Variants in GABRA3 observed in about 807,000 individuals in gnomAD.
GABRA3 encodes gamma-aminobutyric acid type A receptor subunit alpha3, also known as gamma-aminobutyric acid receptor subunit alpha-3.
GABRA3 carries 10 observed loss-of-function variants against 30.1 expected under a neutral mutation model. The ratio of observed to expected loss-of-function variants is 0.33; its 90% CI spans 0.20 to 0.56. GABRA3 has a LOEUF of 0.56. Ranked by LOEUF, GABRA3 falls within the 20% of genes least tolerant of loss-of-function variation. The pLI, the probability that GABRA3 is intolerant of heterozygous loss-of-function variation, is 0.89. For missense variants in GABRA3, 233 were observed against 392.0 expected, an observed-to-expected ratio of 0.59 and a Z score of 3.42; for synonymous variants, 151 against 146.8, an observed-to-expected ratio of 1.03 and a Z score of -0.21.
At chrX:152,300,452 A>T (rs1172726061) in intron 3 of GABRA3, among the ~76,000 whole-genome samples, 1 of 112,149 alleles carries the variant, frequency 8.9e-6, no homozygotes, top group East Asian at 2.8e-4. Flanking sequence ...GAATCTACAC[A>T]GCAAAATATT....
At chrX:152,299,128 A>C (rs1207972039) in intron 3 of GABRA3, among the ~76,000 whole-genome samples, 1 of 111,775 alleles carries the variant, frequency 8.9e-6, no homozygotes, top group Non-Finnish European at 1.9e-5. Flanking sequence ...GGTAGGTAAA[A>C]TATAAAAGAT....
At chrX:152,320,175 G>A (rs1421946166) in intron 3 of GABRA3, among the ~76,000 whole-genome samples, 1 of 111,335 alleles carries the variant, frequency 9.0e-6, no homozygotes, top group Non-Finnish European at 1.9e-5. Flanking sequence ...ATTCCTTAAA[G>A]AACTAAAAGT....
In GABRA3 at chrX:152,377,799, T is replaced by C. The variant is rs182606229; in HGVS notation, c.-26-13203A>G. Among the ~76,000 whole-genome samples the C allele has an allele frequency of 4.2e-3, 463 of 111,490 alleles. 3 individuals are homozygous for C. The highest frequency in any genetic ancestry group is 0.014 in the African/African-American group (442 of 30,682). On this transcript the variant is annotated intron_variant, in intron 1 of 9. Transcript: ENST00000370314. ...TCAAGTGGTGTGGAGTCTGACAACA[T>C]GCATGCACACACATACACACAAACA... is the stretch of plus-strand genomic sequence containing the variant.
chrX:152,364,273 G>A (rs1173382531), intron 2 of GABRA3, among the ~76,000 whole-genome samples, 158 bp downstream of exon 2: 4 of 111,691 alleles, frequency 3.6e-5, no homozygotes, highest in Non-Finnish European at 5.6e-5. Context: ...TTTCTACTTT[G>A]AGAGTCTGAG....
intron 5 of GABRA3, among the ~76,000 whole-genome samples, chrX:152,245,872 C>T (rs985766676): frequency 9.0e-6 from 1 of 111,700 alleles, no homozygotes; most frequent in Non-Finnish European, 1.9e-5. Context: ...CTGTTTAGCT[C>T]TCTGTCTTCT....
chrX:152,192,646 G>C (rs6627543), intron 8 of GABRA3, among the ~76,000 whole-genome samples: 3,114 of 111,357 alleles, frequency 0.028, 92 homozygotes, highest in African/African-American at 0.076. Flanking sequence ...TCAGACCACA[G>C]CATTCAAAAT....
chrX:152,384,378 A>T (rs967171898), intron 1 of GABRA3, among the ~76,000 whole-genome samples: 4 of 111,868 alleles, frequency 3.6e-5, no homozygotes, highest in South Asian at 7.4e-4. Flanking sequence ...AAGACTATTT[A>T]AAAAAAATTA....
intron 9 of GABRA3, among the ~76,000 whole-genome samples, chrX:152,187,630 A>C (rs1020860703): frequency 4.5e-5 from 5 of 111,770 alleles, no homozygotes; most frequent in African/African-American, 1.3e-4. Flanking sequence ...ACTAGTCAGA[A>C]GTAGAATCAC....
chrX:152,214,553 G>A (rs1169455821), intron 6 of GABRA3, among the ~76,000 whole-genome samples: 1 of 111,109 alleles, frequency 9.0e-6, no homozygotes, highest in Non-Finnish European at 1.9e-5. Context: ...TGGTTTTGGA[G>A]ATGTGGGGTC....
At chrX:152,339,438 C>A (rs1940282555) in intron 3 of GABRA3, among the ~76,000 whole-genome samples, 1 of 110,890 alleles carries the variant, frequency 9.0e-6, no homozygotes, top group Non-Finnish European at 1.9e-5. Context: ...AGGCTGGTCT[C>A]AAACTCCTGA....
chrX:152,429,491 T>A (rs1416098474), intron 1 of GABRA3, among the ~76,000 whole-genome samples: 1 of 110,989 alleles, frequency 9.0e-6, no homozygotes, highest in South Asian at 3.8e-4. Flanking sequence ...AAGACTAAAC[T>A]CCTGAATTTG....
chrX:152,444,814 C>A (rs1931036002), intron 1 of GABRA3, among the ~76,000 whole-genome samples: 1 of 86,658 alleles, frequency 1.2e-5, no homozygotes, highest in Non-Finnish European at 2.2e-5. Flanking sequence ...GTAATCCCAG[C>A]ACTTTGGGAG....
chrX:152,336,449 C>T (rs1940236033), intron 3 of GABRA3, among the ~76,000 whole-genome samples: 1 of 112,025 alleles, frequency 8.9e-6, no homozygotes, highest in South Asian at 3.7e-4. Flanking sequence ...CATTACCAAC[C>T]ATGGGTTTCC....
intron 3 of GABRA3, among the ~76,000 whole-genome samples, chrX:152,321,820 G>A (rs1939968378): frequency 9.0e-6 from 1 of 110,803 alleles, no homozygotes; most frequent in Non-Finnish European, 1.9e-5. Flanking sequence ...AAAGTACACA[G>A]ACCTTCATGT....
chrX:152,340,608 A>T (rs1044776433), intron 3 of GABRA3, among the ~76,000 whole-genome samples: 1 of 112,232 alleles, frequency 8.9e-6, no homozygotes. Flanking sequence ...CTGGTTAAAG[A>T]ATCCTAGGAT....
intron 9 of GABRA3, among the ~76,000 whole-genome samples, chrX:152,181,768 A>C (rs982851173): frequency 9.1e-6 from 1 of 109,731 alleles, no homozygotes; most frequent in Non-Finnish European, 1.9e-5. Flanking sequence ...ACATGTATAC[A>C]TATGTAACTA....
intron 1 of GABRA3, among the ~76,000 whole-genome samples, chrX:152,399,813 T>A (rs1341506144): frequency 9.0e-6 from 1 of 111,689 alleles, no homozygotes; most frequent in Non-Finnish European, 1.9e-5. Flanking sequence ...CGAGGTGATT[T>A]TGCAATAGCT....
intron 1 of GABRA3, among the ~76,000 whole-genome samples, chrX:152,369,547 C>G (rs1928771069): frequency 9.0e-6 from 1 of 110,869 alleles, no homozygotes; most frequent in Non-Finnish European, 1.9e-5. Context: ...ACCTGCTATC[C>G]CCTCTACCTG....
At chrX:152,241,381 T>A (rs1407773725) in intron 5 of GABRA3, among the ~76,000 whole-genome samples, 3 of 101,273 alleles carry the variant, frequency 3.0e-5, no homozygotes, top group African/African-American at 1.0e-4. Context: ...TCCAGCTGCG[T>A]GCTGGGAGAA....
Sources: gnomAD v4.1 joint callset for allele counts (sites outside exome capture counted in the v4.1 genomes callset) on GRCh38, gnomAD v4.1.1 for gene constraint, MANE v1.5 for transcripts, NCBI Gene and HGNC (gene_info 2026-07-23, HGNC 2026-07-21) for gene names.